Variants in MITF observed in about 807,000 individuals in gnomAD.
MITF encodes the protein melanocyte inducing transcription factor.
In MITF, 17 loss-of-function variants were observed where a neutral mutation model predicts 60.5. That is an observed-to-expected ratio of 0.28 (90% CI 0.19 to 0.42). The LOEUF (loss-of-function observed/expected upper bound fraction) is 0.42. Among genes scored for constraint, MITF ranks in the 10% least tolerant of loss-of-function variants. MITF has a pLI of 1.00. For missense variants in MITF, 622 were observed against 683.5 expected (o/e 0.91, Z 1.00); for synonymous variants, 260 against 248.5 (o/e 1.05, Z -0.43).
At chr3:69,757,131 T>C (rs182084437) in intron 1 of MITF, among the ~76,000 whole-genome samples, 164 of 152,146 alleles carry the variant, frequency 1.1e-3, no homozygotes, top group Non-Finnish European at 2.1e-4. Context: ...AGCCCAGGAG[T>C]CTTCCAGACC....
intron 7 of MITF, among the ~76,000 whole-genome samples, chr3:69,953,647 GTATA>G (rs773463461): frequency 4.3e-4 from 61 of 140,718 alleles, no homozygotes; most frequent in Admixed American, 5.1e-4. Flanking sequence ...ATATATGTAT[GTATA>G]TATATATATA....
At chr3:69,957,623 T>C (rs2066431908) in intron 8 of MITF, among the ~76,000 whole-genome samples, 1 of 152,232 alleles carries the variant, frequency 6.6e-6, no homozygotes, top group Admixed American at 6.5e-5. Context: ...CAGTCTTGCA[T>C]GATAGTTGAA....
At chr3:69,796,540 C>G (rs2062833164) in intron 1 of MITF, among the ~76,000 whole-genome samples, 1 of 127,780 alleles carries the variant, frequency 7.8e-6, no homozygotes, top group Non-Finnish European at 1.7e-5. Flanking sequence ...CGCTCTGTCG[C>G]CCAGGCCGGA....
chr3:69,772,016 T>C (rs2062402343), intron 1 of MITF, among the ~76,000 whole-genome samples: 2 of 152,222 alleles, frequency 1.3e-5, no homozygotes. Context: ...TCAATTAGGA[T>C]TGATGTATGT....
intron 1 of MITF, among the ~76,000 whole-genome samples, chr3:69,748,547 A>C (rs977927015): frequency 6.6e-6 from 1 of 152,172 alleles, no homozygotes; most frequent in Non-Finnish European, 1.5e-5. Context: ...GGCCAGAGTG[A>C]TAACTTTCAC....
At chr3:69,754,102 G>A (rs553742113) in intron 1 of MITF, among the ~76,000 whole-genome samples, 108 of 152,062 alleles carry the variant, frequency 7.1e-4, no homozygotes, top group African/African-American at 2.4e-3. Flanking sequence ...GATGGGAGGT[G>A]ATTTGGATCA....
Position 69,964,841 on chromosome 3 carries a change from T to C in MITF, c.1180-6T>C, listed in dbSNP as rs202242500. ...TTTCAGTGTTTTATCTTTACTCTTA[T>C]TATAGGAACTTGAAATGCAGGCTCG... On this transcript the variant is annotated splice_polypyrimidine_tract_variant and splice_region_variant and intron_variant, in intron 9 of 9. Transcript: ENST00000352241. The C allele has an allele frequency of 7.1e-5, 114 of 1,613,776 alleles. No homozygotes were observed. The highest frequency in any genetic ancestry group is 8.4e-5 in the Non-Finnish European group (99 of 1,179,796).
intron 5 of MITF, among the ~76,000 whole-genome samples, chr3:69,942,684 C>T (rs1474412830): frequency 6.6e-6 from 1 of 152,090 alleles, no homozygotes; most frequent in African/African-American, 2.4e-5. Context: ...CTCTTGGAAT[C>T]CTTGGTTGGC....
In MITF at chr3:69,879,303, G is replaced by A. The variant is rs559222331; in HGVS notation, c.274G>A (p.Val92Met). Residue 92 changes from valine (V) to methionine (M), a missense_variant, in exon 2 of 10, where the codon GTG becomes ATG. Transcript: ENST00000352241. ...CCAGTTCATGCAACAGAGAGTGCCC[G>A]TGAGTCAGACACCAGCCATAAACGT... ...AAQFMQQRVP[V>M]SQTPAINVSV... is the part of the protein sequence containing the mutation. 21 of 1,614,060 alleles carry A rather than the reference G, an allele frequency of 1.3e-5. No individual in the cohort carries two copies. The highest frequency in any genetic ancestry group is 2.7e-5 in the African/African-American group (2 of 74,910).
intron 1 of MITF, among the ~76,000 whole-genome samples, chr3:69,859,149 G>T (rs1180855880): frequency 6.6e-6 from 1 of 152,130 alleles, no homozygotes; most frequent in Non-Finnish European, 1.5e-5. Flanking sequence ...TCTCCAGTTG[G>T]AAAAATGGTG....
At chr3:69,753,606 C>T (rs1292592324) in intron 1 of MITF, among the ~76,000 whole-genome samples, 2 of 152,222 alleles carry the variant, frequency 1.3e-5, no homozygotes, top group African/African-American at 4.8e-5. Flanking sequence ...TGCAAAGCCA[C>T]AGGGGTGGAA....
At position 69,894,622 on chromosome 3, in the gene MITF, G is replaced by T. The variant is rs897892131; in HGVS notation, c.354+15239G>T. Reference sequence around the variant, plus strand: ...AATCCCTTGAACCCAGGAGGCAGAGGTTGCAGTGAGCCAAGATCATGCCAT... The same window carrying T: ...AATCCCTTGAACCCAGGAGGCAGAGTTTGCAGTGAGCCAAGATCATGCCAT... On this transcript the variant is annotated intron_variant, in intron 2 of 9. Transcript: ENST00000352241. Among the ~76,000 whole-genome samples the T allele has an allele frequency of 1.7e-4, 26 of 150,840 alleles. No homozygotes were observed. The East Asian group carries it at 4.9e-3, about 29-fold the overall frequency.
intron 1 of MITF, among the ~76,000 whole-genome samples, chr3:69,827,667 G>A (rs181595226): frequency 1.3e-5 from 2 of 152,200 alleles, no homozygotes; most frequent in African/African-American, 4.8e-5. Flanking sequence ...TTTTAAACAT[G>A]TTTTAAACAC....
At chr3:69,867,497 C>T (rs1038934922) in intron 1 of MITF, among the ~76,000 whole-genome samples, 3 of 151,862 alleles carry the variant, frequency 2.0e-5, no homozygotes, top group African/African-American at 4.8e-5. Context: ...AGATTTTTTT[C>T]ATTCTTTATG....
intron 2 of MITF, among the ~76,000 whole-genome samples, chr3:69,900,068 A>G (rs2064962774): frequency 6.6e-6 from 1 of 152,286 alleles, no homozygotes; most frequent in Admixed American, 6.5e-5. Flanking sequence ...TATTCAAAGA[A>G]GTCTTTGCAT....
At chr3:69,857,342 C>G (rs961040836) in intron 1 of MITF, among the ~76,000 whole-genome samples, 5 of 149,476 alleles carry the variant, frequency 3.3e-5, no homozygotes, top group African/African-American at 1.2e-4. Context: ...ATACTCATAT[C>G]TCAATCCCTG....
chr3:69,822,126 A>C (rs2063285421), intron 1 of MITF, among the ~76,000 whole-genome samples: 1 of 152,212 alleles, frequency 6.6e-6, no homozygotes, highest in South Asian at 2.1e-4. Context: ...TTTTACAACA[A>C]AGGTCTACAA....
chr3:69,900,077 A>C (rs986245899), intron 2 of MITF, among the ~76,000 whole-genome samples: 1 of 152,144 alleles, frequency 6.6e-6, no homozygotes, highest in African/African-American at 2.4e-5. Flanking sequence ...AAGTCTTTGC[A>C]TATTAGGAGG....
At chr3:69,767,852 G>A (rs935847880) in intron 1 of MITF, among the ~76,000 whole-genome samples, 1 of 152,176 alleles carries the variant, frequency 6.6e-6, no homozygotes, top group Non-Finnish European at 1.5e-5. Flanking sequence ...CAGCTGAACT[G>A]TCTTTGTGAG....
Sources: gnomAD v4.1 joint callset for allele counts (sites outside exome capture counted in the v4.1 genomes callset) on GRCh38, gnomAD v4.1.1 for gene constraint, MANE v1.5 for transcripts, NCBI Gene and HGNC (gene_info 2026-07-23, HGNC 2026-07-21) for gene names.